Variants in RNF157 observed in about 807,000 individuals in gnomAD.
The protein encoded by RNF157 is E3 ubiquitin ligase RNF157.
Under a neutral mutation model 88.3 loss-of-function variants are expected in RNF157, and 55 were observed. The observed-to-expected ratio is 0.62, with a 90% CI of 0.50 to 0.78. The LOEUF (loss-of-function observed/expected upper bound fraction) is 0.78, where lower values mean the gene tolerates loss of function less well. Ranked by LOEUF, RNF157 falls within the 30% of genes least tolerant of loss-of-function variation. The pLI is 0.00. For synonymous variants in RNF157, 334 were observed against 341.2 expected, an observed-to-expected ratio of 0.98 and a Z score of 0.23; for missense variants, 788 against 860.8, an observed-to-expected ratio of 0.92 and a Z score of 1.06.
rs61744818 is a variant in RNF157, at chr17:76,167,678, G to A, written c.416C>T (p.Thr139Met). 41,323 of 1,613,956 alleles carry A rather than the reference G, an allele frequency of 0.026. 636 individuals are homozygous for A. The highest frequency in any genetic ancestry group is 0.031 in the Non-Finnish European group (36,028 of 1,179,914). Residue 139 changes from threonine to methionine, a missense_variant, in exon 4 of 19, where the codon ACG (threonine) becomes ATG (methionine). Thr to Met is a moderately conservative substitution (Grantham distance 81). Coordinates refer to ENST00000269391, the MANE Select transcript of RNF157 (RefSeq NM_052916.3). ...GGCAATACCATTCTGGAACTCTTCC[G>A]TGGCCTGGTAATAGATGGTGATGGC... is the stretch of plus-strand genomic sequence containing the variant. Reference protein sequence around the residue: ...RVAITIYYQATEEFQNGIASY... With the variant: ...RVAITIYYQAMEEFQNGIASY...
At position 76,240,226 on chromosome 17, in the gene RNF157, C is replaced by G. The variant is rs1203363914; in HGVS notation, c.15G>C (p.Thr5=). 7.3e-7 allele frequency: 1 copy of G among 1,371,516 alleles called. No homozygotes were observed. The highest frequency in any genetic ancestry group is 1.5e-5 in the African/African-American group (1 of 67,470). 85.0% of individuals were successfully genotyped at this position (1,371,516 alleles called of 1,614,324 possible). The change falls in exon 1 of 19, where the codon ACG becomes ACC. Residue 5 remains threonine (T), a synonymous_variant. Transcript: ENST00000269391. This position sits in a 1 kb window ranked among gnomAD's most constrained non-coding sequence, Gnocchi z 4.4. ...CCTCCACGCCCGCGTGCTGCCGGCT[C>G]GTCAGGGCCCCCATGGCCGCTGCGG... MGAL[T]SRQHAGVEEV...
intron 9 of RNF157, 142 bp downstream of exon 9, chr17:76,162,410 A>G (rs900854309): frequency 2.9e-6 from 2 of 690,650 alleles, no homozygotes; most frequent in Non-Finnish European, 5.1e-6. Flanking sequence ...AAGCGTAATG[A>G]TCTGAAATGA....
At chr17:76,162,737 G>T in intron 8 of RNF157, 114 bp from the exon 9 acceptor site, 1 of 603,770 alleles carries the variant, frequency 1.7e-6, no homozygotes, top group South Asian at 2.7e-5. Context: ...TTCATAATGA[G>T]AAAAAAAATC....
At chr17:76,231,016 G>A (rs938196401) in intron 1 of RNF157, among the ~76,000 whole-genome samples, 8 of 150,594 alleles carry the variant, frequency 5.3e-5, no homozygotes, top group African/African-American at 2.0e-4. Flanking sequence ...ATAGTCCACT[G>A]CAGCCTTGAC....
chr17:76,210,529 T>A (rs139975433), intron 2 of RNF157, among the ~76,000 whole-genome samples: 1 of 125,682 alleles, frequency 8.0e-6, no homozygotes, highest in Non-Finnish European at 1.6e-5. Flanking sequence ...GGCAGAGCTT[T>A]CAGTGAGCCA....
intron 2 of RNF157, among the ~76,000 whole-genome samples, chr17:76,192,972 C>T (rs1429966124): frequency 1.3e-5 from 2 of 151,966 alleles, no homozygotes; most frequent in Admixed American, 6.6e-5. Context: ...CAGCCGCGCG[C>T]CACCACACCT....
chr17:76,172,825 A>G (rs1358719401), intron 3 of RNF157, among the ~76,000 whole-genome samples: 2 of 152,028 alleles, frequency 1.3e-5, no homozygotes, highest in East Asian at 3.9e-4. Flanking sequence ...TAGACATATC[A>G]TCTAGGGGTG....
intron 1 of RNF157, among the ~76,000 whole-genome samples, chr17:76,238,660 C>G (rs1037474003): frequency 6.6e-6 from 1 of 152,126 alleles, no homozygotes. Context: ...ATATTTTGAT[C>G]AATAAAAGCC....
intron 2 of RNF157, among the ~76,000 whole-genome samples, chr17:76,184,337 T>C (rs75534064): frequency 3.7e-4 from 57 of 152,316 alleles, no homozygotes; most frequent in African/African-American, 1.4e-3. Flanking sequence ...TAATCTCTTT[T>C]TTTATAGGGT....
intron 18 of RNF157, among the ~76,000 whole-genome samples, chr17:76,151,816 A>C (rs1462955714): frequency 1.3e-5 from 2 of 152,214 alleles, no homozygotes; most frequent in African/African-American, 4.8e-5. Flanking sequence ...GTTGGGATCC[A>C]AATCCAGTAG....
intron 2 of RNF157, among the ~76,000 whole-genome samples, chr17:76,198,653 T>C (rs988769556): frequency 6.6e-6 from 1 of 152,222 alleles, no homozygotes; most frequent in African/African-American, 2.4e-5. Context: ...GTTGGACAAC[T>C]GGTTACCCTG....
At chr17:76,198,703 C>T (rs772300928) in intron 2 of RNF157, among the ~76,000 whole-genome samples, 37 of 152,220 alleles carry the variant, frequency 2.4e-4, no homozygotes, top group Non-Finnish European at 4.7e-4. Flanking sequence ...TTCTACACTT[C>T]ATCTGAGAGA....
chr17:76,166,923 C>G (rs1157231296), intron 5 of RNF157, 86 bp downstream of exon 5: 1 of 826,914 alleles, frequency 1.2e-6, no homozygotes, highest in Non-Finnish European at 1.9e-6. Flanking sequence ...AGCATCCGAG[C>G]AGCCCCTTTG....
At chr17:76,162,048 T>C in intron 9 of RNF157, 46 bp from the exon 10 acceptor site, 1 of 1,581,650 alleles carries the variant, frequency 6.3e-7, no homozygotes, top group Non-Finnish European at 8.6e-7. Context: ...AAGCCCTTCC[T>C]GTCCCATACT....
intron 1 of RNF157, among the ~76,000 whole-genome samples, chr17:76,237,946 T>C (rs956024995): frequency 2.6e-5 from 4 of 152,010 alleles, no homozygotes; most frequent in African/African-American, 4.8e-5. Flanking sequence ...TAGCCGGGTG[T>C]GGTGGCAAAC....
intron 3 of RNF157, among the ~76,000 whole-genome samples, chr17:76,169,280 C>A (rs1182464254): frequency 1.0e-5 from 1 of 97,744 alleles, no homozygotes; most frequent in African/African-American, 4.0e-5. Context: ...TTTCTGCTCC[C>A]TGTTTTTAAT....
chr17:76,158,691 A>G (rs562324029), intron 12 of RNF157, among the ~76,000 whole-genome samples, 190 bp from the exon 13 acceptor site: 2 of 152,308 alleles, frequency 1.3e-5, no homozygotes, highest in South Asian at 4.1e-4. Context: ...ACGCTTTAAC[A>G]GAGGAGGAGT....
At position 76,195,699 on chromosome 17, in the gene RNF157, C is replaced by T. The variant is rs1052777757; in HGVS notation, c.207+16665G>A. 1.3e-5 allele frequency among the ~76,000 whole-genome samples: 2 copies of T among 152,254 alleles called. No individual in the cohort carries two copies. The highest frequency in any genetic ancestry group is 2.1e-4 in the South Asian group (1 of 4,826). ...ATACTATGCAGCAATGGAAATGAAC[C>T]GTACACAGCACAGGAATAGTTTGTT... On this transcript the variant is annotated intron_variant, in intron 2 of 18. Transcript: ENST00000269391. The surrounding 1 kb of genome is among the most constrained non-coding windows in gnomAD (Gnocchi z 4.4).
At chr17:76,164,481 G>T in intron 8 of RNF157, 1 of 296,856 alleles carries the variant, frequency 3.4e-6, no homozygotes, top group Non-Finnish European at 6.1e-6. Flanking sequence ...TCAGATAAAG[G>T]CTCCCTCAAC....
Sources: gnomAD v4.1 joint callset for allele counts (sites outside exome capture counted in the v4.1 genomes callset) on GRCh38, gnomAD v4.1.1 for gene constraint, Gnocchi (gnomAD v3.1) non-coding constraint, MANE v1.5 for transcripts, NCBI Gene and HGNC (gene_info 2026-07-23, HGNC 2026-07-21) for gene names.